The following NLE1 variants were observed in gnomAD, a reference collection of about 807,000 sequenced individuals.
NLE1 encodes the protein notchless protein homolog 1.
Under a neutral mutation model 62.8 loss-of-function variants are expected in NLE1, and 37 were observed. The ratio of observed to expected loss-of-function variants is 0.59; its 90% CI spans 0.45 to 0.78. The LOEUF (loss-of-function observed/expected upper bound fraction) is 0.78, where lower values mean the gene tolerates loss of function less well. Among genes scored for constraint, NLE1 ranks in the 30% least tolerant of loss-of-function variants. NLE1 has a pLI of 0.00. For synonymous variants in NLE1, 243 were observed against 253.0 expected (o/e 0.96, Z 0.37); for missense variants, 555 against 637.9 (o/e 0.87, Z 1.40).
At position 35,137,148 on chromosome 17, in the gene NLE1, A is replaced by G. The variant is rs2091914133; in HGVS notation, c.681T>C (p.Ser227=). 9.9e-6 allele frequency: 16 copies of G among 1,612,400 alleles called. No individual in the cohort carries two copies. Among genetic ancestry groups the G allele is most frequent in the Middle Eastern group, 1.6e-4 (1 of 6,072 alleles). ...CTGCAGTTGTGTCCCAGATCCGCAC[A>G]CTGCCATCCTTGGAGCTGCTGGCCA... ...RYVASSSKDG[S]VRIWDTTAGR... is the part of the protein sequence containing the mutation. The change falls in exon 7 of 13, where the codon AGT becomes AGC. Residue 227 remains serine (S), a synonymous_variant. Coordinates refer to ENST00000442241, the MANE Select transcript of NLE1 (RefSeq NM_018096.5).
Position 35,137,501 on chromosome 17 carries a change from AT to A in NLE1, c.635+41del, listed in dbSNP as rs2091916268. On this transcript the variant is annotated intron_variant, in intron 6 of 12. Transcript: ENST00000442241. ...TGGGCAGGGAAAGGGGATGGCTTTG[AT>A]CCCCTGGCTCATTTGTCCCAGCTCC... is the stretch of plus-strand genomic sequence containing the variant. The A allele has an allele frequency of 2.6e-6, 4 of 1,513,246 alleles. No individual in the cohort carries two copies. In the East Asian group the frequency reaches 9.1e-5, roughly 34 times the overall value. 93.7% of individuals were successfully genotyped at this position (1,513,246 alleles called of 1,614,324 possible).
chr17:35,133,523 G>A, intron 10 of NLE1, 25 bp from the exon 11 acceptor site: 1 of 1,591,520 alleles, frequency 6.3e-7, no homozygotes, highest in Non-Finnish European at 8.5e-7. Flanking sequence ...GACGATGATG[G>A]ATTTTAGTCT....
intron 10 of NLE1, among the ~76,000 whole-genome samples, chr17:35,133,746 C>T (rs562196579): frequency 6.6e-6 from 1 of 152,122 alleles, no homozygotes; most frequent in Non-Finnish European, 1.5e-5. Context: ...CCCTCCATAC[C>T]TGCACAACTT....
In NLE1 at chr17:35,136,174, C is replaced by T. The variant is rs187705654; in HGVS notation, c.1006G>A (p.Val336Met). Reference protein sequence around the residue: ...KERALSRYNLVRGQGPERLVS... With the variant: ...KERALSRYNLMRGQGPERLVS... ...CGTGGCTGGCACACACTCACCCGCA[C>T]GAGGTTGTATCGGCTCAGAGCCCTC... The change falls in exon 9 of 13, where the codon GTG (valine) becomes ATG (methionine). Residue 336 changes from valine (V) to methionine (M), a missense_variant. Physicochemically the swap from Val to Met is conservative, Grantham distance 21 (BLOSUM62 1). Transcript: ENST00000442241. The T allele has an allele frequency of 4.0e-5, 64 of 1,614,146 alleles. No individual in the cohort carries two copies. The East Asian group carries it at 1.2e-3, about 31-fold the overall frequency.
chr17:35,133,401 G>A lies in NLE1; in HGVS notation c.1312C>T (p.Leu438=). 2 of 1,614,184 alleles carry A rather than the reference G, an allele frequency of 1.2e-6. No individual in the cohort carries two copies. The highest frequency in any genetic ancestry group is 4.5e-5 in the East Asian group (2 of 44,872). The change falls in exon 11 of 13, where the codon CTG becomes TTG. Residue 438 remains leucine, a synonymous_variant. Transcript: ENST00000442241. ...LLVSGSSDST[L]KVWDVKAQKL... ...TGGGCCTTCACATCCCACACCTTCA[G>A]TGTGCTGTCACTGCTGCCGCTGACC...
chr17:35,133,581 G>T, intron 10 of NLE1, 83 bp from the exon 11 acceptor site: 1 of 1,335,046 alleles, frequency 7.5e-7, no homozygotes, highest in Non-Finnish European at 1.0e-6. Flanking sequence ...GCTCATGGCA[G>T]TGGTTCTCAA....
In NLE1 at chr17:35,133,426, C is replaced by T; in HGVS notation, c.1287G>A (p.Leu429=). ...GTGTGCTGTCACTGCTGCCGCTGAC[C>T]AGGAGCCGACTGTCAGCTGACCACG... The part of the protein sequence containing the change: ...QIAWSADSRL[L]VSGSSDSTLK... The change falls in exon 11 of 13, where the codon CTG becomes CTA. Residue 429 remains leucine, a synonymous_variant. Coordinates refer to ENST00000442241, the MANE Select transcript of NLE1 (RefSeq NM_018096.5). 6.2e-7 allele frequency: 1 copy of T among 1,614,116 alleles called. No homozygotes were observed. The highest frequency in any genetic ancestry group is 1.3e-5 in the African/African-American group (1 of 75,050).
chr17:35,135,217 C>T, intron 10 of NLE1, 32 bp downstream of exon 10: 1 of 1,608,370 alleles, frequency 6.2e-7, no homozygotes. Flanking sequence ...CCATTCACTC[C>T]TTACAGAGAA....
At chr17:35,136,031 C>A (rs2091906275) in intron 9 of NLE1, 138 bp downstream of exon 9, 6 of 773,866 alleles carry the variant, frequency 7.8e-6, no homozygotes, top group Non-Finnish European at 1.2e-5. Context: ...GGATTGCAAA[C>A]TAGGATTATG....
intron 9 of NLE1, among the ~76,000 whole-genome samples, chr17:35,135,744 CAT>C (rs2091904648): frequency 1.3e-5 from 2 of 152,216 alleles, no homozygotes; most frequent in African/African-American, 2.4e-5. Flanking sequence ...TGTATGTATG[CAT>C]GTGTGTGTGT....
Position 35,130,290 on chromosome 17 carries a change from C to G in NLE1, c.*2147G>C, listed in dbSNP as rs144023197. 2.1e-4 allele frequency: 345 copies of G among 1,613,832 alleles called. No individual in the cohort carries two copies. The African/African-American group carries it at 4.2e-3, about 20-fold the overall frequency. ...TTCTTGTTTCACTTCAGTTTGCAACCCTGGCCACTGACTTCAGCAGCTTTC... is the reference window on the plus strand; with the variant it reads ...TTCTTGTTTCACTTCAGTTTGCAACGCTGGCCACTGACTTCAGCAGCTTTC... On this transcript the variant is annotated 3_prime_UTR_variant, in exon 13 of 13. Transcript: ENST00000442241.
Position 35,132,428 on chromosome 17 carries a change from C to T in NLE1, c.*9G>A, listed in dbSNP as rs2889240. 88 of 1,435,218 alleles carry T rather than the reference C, an allele frequency of 6.1e-5. 1 individual carries two copies. The South Asian group carries it at 1.3e-3, about 21-fold the overall frequency. The allele number at this position is 1,435,218 out of a possible 1,614,324, so 88.9% of individuals were successfully genotyped here. On this transcript the variant is annotated 3_prime_UTR_variant, in exon 13 of 13. Transcript: ENST00000442241. The stretch of plus-strand genomic sequence containing the variant: ...TCGAGGTGGGGGTCAGAGAGAACTT[C>T]GGGCCGTCTCATCTCCTCCATCTGT...
chr17:35,132,401 A>AGTCGAGGTGGG lies in NLE1; in HGVS notation c.*25_*35dup. On this transcript the variant is annotated 3_prime_UTR_variant, in exon 13 of 13. Transcript: ENST00000442241. ...CAGGGAAGGCAGCTGGCAGAGGCCG[A>AGTCGAGGTGGG]GTCGAGGTGGGGGTCAGAGAGAACT... is the stretch of plus-strand genomic sequence containing the variant. The AGTCGAGGTGGG allele has an allele frequency of 6.9e-7, 1 of 1,442,968 alleles. No individual in the cohort carries two copies. Among genetic ancestry groups the AGTCGAGGTGGG allele is most frequent in the Non-Finnish European group, 9.1e-7 (1 of 1,093,264 alleles). 89.4% of individuals were successfully genotyped at this position (1,442,968 alleles called of 1,614,324 possible).
Position 35,129,303 on chromosome 17 carries a change from C to G in NLE1, c.*3134G>C. 6.0e-6 allele frequency: 8 copies of G among 1,343,062 alleles called. No individual in the cohort carries two copies. Among genetic ancestry groups the G allele is most frequent in the Non-Finnish European group, 8.2e-6 (8 of 971,540 alleles). 83.2% of individuals were successfully genotyped at this position (1,343,062 alleles called of 1,614,324 possible). ...TACCTTGCACCTTCCATCTGACCTGCCTGGGCCCCAGCAGGAGCAGGGGAT... is the reference window on the plus strand; with the variant it reads ...TACCTTGCACCTTCCATCTGACCTGGCTGGGCCCCAGCAGGAGCAGGGGAT... On this transcript the variant is annotated 3_prime_UTR_variant, in exon 13 of 13. Transcript: ENST00000442241.
chr17:35,136,997 T>G lies in NLE1; in HGVS notation c.828+4A>C, dbSNP rs1300826756. The G allele has an allele frequency of 1.3e-6, 2 of 1,590,414 alleles. No individual in the cohort carries two copies. The highest frequency in any genetic ancestry group is 1.7e-5 in the Admixed American group (1 of 58,464). On this transcript the variant is annotated splice_donor_region_variant and intron_variant, in intron 7 of 12. Coordinates refer to ENST00000442241, the MANE Select transcript of NLE1 (RefSeq NM_018096.5). Reference sequence around the variant, plus strand: ...ACTGGTTTCTGAACCCTCCCAGCACTTACGTCATGAGCTCTCCAGACTTTG... The same window carrying G: ...ACTGGTTTCTGAACCCTCCCAGCACGTACGTCATGAGCTCTCCAGACTTTG...
In NLE1 at chr17:35,141,999, A is replaced by C; in HGVS notation, c.142T>G (p.Cys48Gly). The change falls in exon 2 of 13, where the codon TGC becomes GGC. Residue 48 changes from cysteine to glycine, a missense_variant. Physicochemically the swap from Cys to Gly is radical, Grantham distance 159. Coordinates refer to ENST00000442241, the MANE Select transcript of NLE1 (RefSeq NM_018096.5). ...DITPDRLQLV[C>G]NALLAQEDPL... ...CTTACCTGGGCCAGTAGCGCGTTGC[A>C]CACGAGCTGCAGCCTGTCCGGGGTG... The C allele has an allele frequency of 6.3e-7, 1 of 1,594,966 alleles. No homozygotes were observed. The highest frequency in any genetic ancestry group is 8.5e-7 in the Non-Finnish European group (1 of 1,172,018).
rs1431848057 is a variant in NLE1 at position 35,137,128 on chromosome 17, G to C, written c.701C>G (p.Thr234Ser). 1.2e-6 allele frequency: 2 copies of C among 1,613,822 alleles called. No individual in the cohort carries two copies. The highest frequency in any genetic ancestry group is 1.7e-6 in the Non-Finnish European group (2 of 1,179,946). Reference sequence around the variant, plus strand: ...GAGGATGCGCTCACAGCGGCCTGCAGTTGTGTCCCAGATCCGCACACTGCC... The same window carrying C: ...GAGGATGCGCTCACAGCGGCCTGCACTTGTGTCCCAGATCCGCACACTGCC... Reference protein sequence around the residue: ...KDGSVRIWDTTAGRCERILTG... With the variant: ...KDGSVRIWDTSAGRCERILTG... The change falls in exon 7 of 13, where the codon ACT becomes AGT. Residue 234 changes from threonine to serine, a missense_variant. Thr to Ser is a moderately conservative substitution (Grantham distance 58). Coordinates refer to ENST00000442241, the MANE Select transcript of NLE1 (RefSeq NM_018096.5).
In NLE1 at chr17:35,132,196, C is replaced by A; in HGVS notation, c.*241G>T. 2 of 363,208 alleles carry A rather than the reference C, an allele frequency of 5.5e-6. No homozygotes were observed. The highest frequency in any genetic ancestry group is 9.9e-6 in the Non-Finnish European group (2 of 202,792). The allele number at this position is 363,208 out of a possible 1,614,324, so 22.5% of individuals were successfully genotyped here. Reference sequence around the variant, plus strand: ...CCAGCAAGGTACAGAGTAGCAGACACGGGCCAAGTTCAGTGACAACTTCCT... The same window carrying A: ...CCAGCAAGGTACAGAGTAGCAGACAAGGGCCAAGTTCAGTGACAACTTCCT... On this transcript the variant is annotated 3_prime_UTR_variant, in exon 13 of 13. Transcript: ENST00000442241.
rs2091901417 is a variant in NLE1, at chr17:35,135,287, A to C, written c.1176T>G (p.Phe392Leu). Residue 392 changes from phenylalanine (F) to leucine (L), a missense_variant, in exon 10 of 13, where the codon TTT becomes TTG. Transcript: ENST00000442241. ...CATCCCACAGCTTGATGGACTTGTC[A>C]AAGGAGGCACTAGCCACGATGCGGG... ...PDSRIVASAS[F>L]DKSIKLWDGR... The C allele has an allele frequency of 6.2e-7, 1 of 1,614,176 alleles. No homozygotes were observed.
Sources: allele counts gnomAD v4.1 joint callset (sites outside exome capture counted in the v4.1 genomes callset), GRCh38; gene constraint gnomAD v4.1.1; transcripts MANE v1.5; gene names NCBI Gene and HGNC (gene_info 2026-07-23, HGNC 2026-07-21).